The following ZNF462 variants were observed in gnomAD, a reference collection of about 807,000 sequenced individuals.
ZNF462 encodes zinc finger protein 462.
ZNF462 carries 10 observed loss-of-function variants against 201.9 expected under a neutral mutation model. That is an observed-to-expected ratio of 0.05 (90% CI 0.03 to 0.08). The LOEUF is 0.08. Among genes scored for constraint, ZNF462 ranks in the 10% least tolerant of loss-of-function variants. The pLI is 1.00. For missense variants in ZNF462, 2,523 were observed against 3,168.3 expected (o/e 0.80, Z 4.89); for synonymous variants, 1,227 against 1,193.3 (o/e 1.03, Z -0.58).
chr9:106,880,874 C>G lies in ZNF462; in HGVS notation c.-31+17519C>G, dbSNP rs1419194061. On this transcript the variant is annotated intron_variant, in intron 1 of 12. Transcript: ENST00000277225. The surrounding 1 kb of genome is among the most constrained non-coding windows in gnomAD (Gnocchi z 4.1). ...TTTATACCTGTACGTTACTCTGTAC[C>G]TCGTGGGTTTAACTCTGAGGTTGAT... is the stretch of plus-strand genomic sequence containing the variant. Among the ~76,000 whole-genome samples the G allele has an allele frequency of 6.6e-6, 1 of 152,164 alleles. No individual in the cohort carries two copies. The highest frequency in any genetic ancestry group is 2.4e-5 in the African/African-American group (1 of 41,442).
chr9:107,004,632 TACA>T (rs1189387323), intron 11 of ZNF462, among the ~76,000 whole-genome samples: 1 of 152,214 alleles, frequency 6.6e-6, no homozygotes, highest in East Asian at 1.9e-4. Context: ...ATTTATGATG[TACA>T]ACATGTTTCA....
chr9:107,004,255 A>G (rs1829393995), intron 11 of ZNF462, among the ~76,000 whole-genome samples: 1 of 152,206 alleles, frequency 6.6e-6, no homozygotes, highest in Non-Finnish European at 1.5e-5. Flanking sequence ...TCAGAAATCA[A>G]CATTGCAGAT....
At chr9:106,973,249 A>G (rs150457474) in intron 8 of ZNF462, among the ~76,000 whole-genome samples, 2 of 152,228 alleles carry the variant, frequency 1.3e-5, no homozygotes, top group Non-Finnish European at 1.5e-5. Flanking sequence ...TCTGAGCCTT[A>G]GACTACTTCA....
At chr9:106,991,740 G>T in intron 10 of ZNF462, among the ~76,000 whole-genome samples, 1 of 151,558 alleles carries the variant, frequency 6.6e-6, no homozygotes, top group East Asian at 1.9e-4. Flanking sequence ...CATAAAAGGT[G>T]TTAAGGTAAT....
intron 1 of ZNF462, among the ~76,000 whole-genome samples, chr9:106,915,365 T>C (rs1442055731): frequency 6.6e-6 from 1 of 152,206 alleles, no homozygotes; most frequent in African/African-American, 2.4e-5. Context: ...TAAAGTCTAC[T>C]GTTGTGTTGG....
At position 106,932,274 on chromosome 9, in the gene ZNF462, T is replaced by A. The variant is rs1461841307; in HGVS notation, c.6013-172T>A. ...TGTGGTTCTCTTAGCAGGAGGCGGATGACCCTGCCCACTTGTTCCTGGATG... is the reference window on the plus strand; with the variant it reads ...TGTGGTTCTCTTAGCAGGAGGCGGAAGACCCTGCCCACTTGTTCCTGGATG... On this transcript the variant is annotated intron_variant, in intron 4 of 12. Coordinates refer to ENST00000277225, the MANE Select transcript of ZNF462 (RefSeq NM_021224.6). This position sits in a 1 kb window ranked among gnomAD's most constrained non-coding sequence, Gnocchi z 6.8. The A allele has an allele frequency of 6.4e-7, 1 of 1,551,160 alleles. No homozygotes were observed. Among genetic ancestry groups the A allele is most frequent in the Non-Finnish European group, 8.7e-7 (1 of 1,147,052 alleles).
At chr9:106,861,413 A>C (rs572307532), upstream of ZNF462, among the ~76,000 whole-genome samples, 32 of 152,258 alleles carry the variant, frequency 2.1e-4, no homozygotes, top group Non-Finnish European at 2.9e-4. Flanking sequence ...TTTAAAGAGG[A>C]CAGACTTGCC....
At chr9:106,912,824 C>A (rs916036150) in intron 1 of ZNF462, among the ~76,000 whole-genome samples, 1 of 152,110 alleles carries the variant, frequency 6.6e-6, no homozygotes, top group African/African-American at 2.4e-5. Flanking sequence ...AAGGAAGGCA[C>A]AAATAATATT....
chr9:106,896,505 T>C (rs1828819934), intron 1 of ZNF462, among the ~76,000 whole-genome samples: 1 of 152,184 alleles, frequency 6.6e-6, no homozygotes. Context: ...GAGGTGGTCA[T>C]GGCTAGTAGT....
chr9:106,864,674 T>C (rs955845411), intron 1 of ZNF462, among the ~76,000 whole-genome samples: 7 of 151,622 alleles, frequency 4.6e-5, no homozygotes, highest in African/African-American at 1.7e-4. Flanking sequence ...TCCTTTTATA[T>C]TCCTCCCCAA....
chr9:106,888,768 G>A lies in ZNF462; in HGVS notation c.-31+25413G>A, dbSNP rs575370114. ...AGTGTTGACTCTTGGACCTCTTGAG[G>A]AAGTAGGCAAGGTGGGCCACCTTGG... On this transcript the variant is annotated intron_variant, in intron 1 of 12. Coordinates refer to ENST00000277225, the MANE Select transcript of ZNF462 (RefSeq NM_021224.6). 4.6e-5 allele frequency among the ~76,000 whole-genome samples: 7 copies of A among 152,324 alleles called. No individual in the cohort carries two copies. In the East Asian group the frequency reaches 1.2e-3, roughly 25 times the overall value.
rs578170930 is a variant in ZNF462 at position 107,009,934 on chromosome 9, T to G, written c.7313+266T>G. Among the ~76,000 whole-genome samples the G allele has an allele frequency of 1.3e-4, 20 of 152,304 alleles. No homozygotes were observed. Among genetic ancestry groups the G allele is most frequent in the Admixed American group, 1.3e-3 (20 of 15,294 alleles). On this transcript the variant is annotated intron_variant, in intron 12 of 12. Coordinates refer to ENST00000277225, the MANE Select transcript of ZNF462 (RefSeq NM_021224.6). This position sits in a 1 kb window ranked among gnomAD's most constrained non-coding sequence, Gnocchi z 6.1. ...AAGCCTGTGTGCAGAAGTATAGTGT[T>G]TTCTCCAGCCAATATCCCTTTAGTC...
chr9:106,952,860 T>C (rs17723699), intron 7 of ZNF462, among the ~76,000 whole-genome samples: 2,403 of 152,078 alleles, frequency 0.016, 25 homozygotes, highest in Non-Finnish European at 0.026. Flanking sequence ...AGGAGGAAAA[T>C]AGGCTTAAGC....
At chr9:106,969,013 T>A (rs1832207145) in intron 7 of ZNF462, among the ~76,000 whole-genome samples, 1 of 152,172 alleles carries the variant, frequency 6.6e-6, no homozygotes, top group South Asian at 2.1e-4. Flanking sequence ...TACACACTCA[T>A]GTCTTTATCA....
intron 1 of ZNF462, among the ~76,000 whole-genome samples, chr9:106,894,757 G>T (rs1017376688): frequency 1.2e-4 from 18 of 152,140 alleles, no homozygotes; most frequent in Non-Finnish European, 2.4e-4. Flanking sequence ...ATATGGTGCT[G>T]TAAGTCTAAA....
At chr9:106,871,721 T>G (rs1200645412) in intron 1 of ZNF462, among the ~76,000 whole-genome samples, 1 of 152,182 alleles carries the variant, frequency 6.6e-6, no homozygotes, top group East Asian at 1.9e-4. Flanking sequence ...AAAGGACAGA[T>G]GGAAACTCAA....
At chr9:106,863,116 G>C (rs1049759475), upstream of ZNF462, 7 of 398,344 alleles carry the variant, frequency 1.8e-5, no homozygotes, top group Non-Finnish European at 2.2e-5. Context: ...GGGAGGGAGA[G>C]AGAGAGAGAG....
At position 106,954,746 on chromosome 9, in the gene ZNF462, C is replaced by A. The variant is rs1412358331; in HGVS notation, c.6427+15639C>A. On this transcript the variant is annotated intron_variant, in intron 7 of 12. Coordinates refer to ENST00000277225, the MANE Select transcript of ZNF462 (RefSeq NM_021224.6). The surrounding 1 kb of genome is among the most constrained non-coding windows in gnomAD (Gnocchi z 4.0). ...TTCATTTCTGTGATGCAACAGTGATCTCCCGAGATGTGAGTCAACTCTTCC... is the reference window on the plus strand; with the variant it reads ...TTCATTTCTGTGATGCAACAGTGATATCCCGAGATGTGAGTCAACTCTTCC... 6.6e-6 allele frequency among the ~76,000 whole-genome samples: 1 copy of A among 152,124 alleles called. No individual in the cohort carries two copies. The highest frequency in any genetic ancestry group is 1.5e-5 in the Non-Finnish European group (1 of 68,026).
rs1426570674 is a variant in ZNF462, at chr9:106,870,865, T to C, written c.-31+7510T>C. ...ACTCTTAAGTTCTCGTCTGAGCAGT[T>C]GAACCAGAACACACGCTAAGGCCTC... On this transcript the variant is annotated intron_variant, in intron 1 of 12. Transcript: ENST00000277225. This position sits in a 1 kb window ranked among gnomAD's most constrained non-coding sequence, Gnocchi z 4.3. Among the ~76,000 whole-genome samples the C allele has an allele frequency of 2.0e-5, 3 of 152,186 alleles. No individual in the cohort carries two copies. The highest frequency in any genetic ancestry group is 6.5e-5 in the Admixed American group (1 of 15,284).
Sources: allele counts gnomAD v4.1 joint callset (sites outside exome capture counted in the v4.1 genomes callset), GRCh38; gene constraint gnomAD v4.1.1; non-coding constraint Gnocchi (gnomAD v3.1); transcripts MANE v1.5; gene names NCBI Gene and HGNC (gene_info 2026-07-23, HGNC 2026-07-21).